CPS1: variants seen among roughly 807,000 people sequenced by gnomAD.
CPS1 encodes carbamoyl-phosphate synthase [ammonia], mitochondrial.
In CPS1, 109 loss-of-function variants were observed where a neutral mutation model predicts 174.6. The observed-to-expected ratio is 0.62, with a 90% CI of 0.53 to 0.73. The LOEUF (loss-of-function observed/expected upper bound fraction) is 0.73. CPS1 is among the 30% of genes least tolerant of loss of function. CPS1 has a pLI of 0.00. For missense variants in CPS1, 1,689 were observed against 1,821.9 expected, an observed-to-expected ratio of 0.93 and a Z score of 1.33; for synonymous variants, 637 against 632.0, an observed-to-expected ratio of 1.01 and a Z score of -0.12.
chr2:210,515,074 A>T (rs1286384123), intron 1 of CPS1, among the ~76,000 whole-genome samples: 2 of 151,720 alleles, frequency 1.3e-5, no homozygotes, highest in Admixed American at 1.3e-4. Flanking sequence ...TTAACTTTTC[A>T]ATATGCTGTT....
chr2:210,616,502 A>G lies in CPS1; in HGVS notation c.2648A>G (p.Asp883Gly). The G allele has an allele frequency of 6.2e-7, 1 of 1,611,766 alleles. No homozygotes were observed. The highest frequency in any genetic ancestry group is 1.3e-5 in the African/African-American group (1 of 74,924). Residue 883 changes from aspartate to glycine, a missense_variant, in exon 21 of 38, where the codon GAT (aspartate) becomes GGT (glycine). Transcript: ENST00000233072. ...AAGTGGTTTTTGTATAAGATGCGTG[A>G]TATTTTAAACATGGAAAAGACACTG... ...IDKWFLYKMRDILNMEKTLKG... is the reference protein window; with the variant it reads ...IDKWFLYKMRGILNMEKTLKG...
intron 10 of CPS1, 65 bp downstream of exon 10, chr2:210,592,034 A>C: frequency 6.0e-6 from 9 of 1,509,124 alleles, no homozygotes; most frequent in Non-Finnish European, 8.1e-6. Context: ...AAAATAATTG[A>C]TACATAAGCA....
At chr2:210,566,425 T>C (rs1419472764) in intron 1 of CPS1, among the ~76,000 whole-genome samples, 1 of 152,112 alleles carries the variant, frequency 6.6e-6, no homozygotes, top group Non-Finnish European at 1.5e-5. Flanking sequence ...CTCAGGTAAT[T>C]CATGACTTGA....
chr2:210,674,484 C>CAAAAAAAAAAAAAA (rs771522432), intron 34 of CPS1: 1 of 74,806 alleles, frequency 1.3e-5, no homozygotes, highest in Admixed American at 1.2e-4. Flanking sequence ...AAAAAAAAAC[C>CAAAAAAAAAAAAAA]AAAAAAAAAA....
chr2:210,647,925 A>G lies in CPS1; in HGVS notation c.3204A>G (p.Leu1068=), dbSNP rs766909251. ...GQIPNNLAVP[L]YKNGVKIMGT... ...TTCCAAACAACCTGGCAGTTCCTCT[A>G]TACAAGAATGGTGTCAAGATCATGG... The change falls in exon 26 of 38, where the codon CTA becomes CTG. Residue 1068 remains leucine (L), a synonymous_variant. Coordinates refer to ENST00000233072, the MANE Select transcript of CPS1 (RefSeq NM_001875.5). 18 of 1,613,948 alleles carry G rather than the reference A, an allele frequency of 1.1e-5. No individual in the cohort carries two copies. Among genetic ancestry groups the G allele is most frequent in the Non-Finnish European group, 1.5e-5 (18 of 1,179,960 alleles).
At chr2:210,501,515 T>A (rs945909119) in intron 1 of CPS1, among the ~76,000 whole-genome samples, 1 of 152,150 alleles carries the variant, frequency 6.6e-6, no homozygotes, top group Non-Finnish European at 1.5e-5. Flanking sequence ...GCTTAGAAAT[T>A]TCTTCCACCA....
intron 1 of CPS1, among the ~76,000 whole-genome samples, chr2:210,504,084 G>T (rs968629182): frequency 2.6e-5 from 4 of 151,990 alleles, no homozygotes; most frequent in African/African-American, 9.7e-5. Context: ...GCTGCTTGTT[G>T]TTCAGGGAGA....
chr2:210,560,529 G>A (rs1697064815), intron 1 of CPS1, among the ~76,000 whole-genome samples: 1 of 152,120 alleles, frequency 6.6e-6, no homozygotes, highest in African/African-American at 2.4e-5. Flanking sequence ...ATGGTGACCT[G>A]TGTTATAATT....
intron 1 of CPS1, among the ~76,000 whole-genome samples, chr2:210,497,543 C>A (rs1320451517): frequency 2.0e-5 from 3 of 151,962 alleles, no homozygotes; most frequent in African/African-American, 7.3e-5. Context: ...TGTCCCCATA[C>A]CTCTCTCCCC....
At chr2:210,673,320 T>A (rs973439500) in intron 34 of CPS1, 1 of 152,238 alleles carries the variant, frequency 6.6e-6, no homozygotes, top group Non-Finnish European at 1.5e-5. Flanking sequence ...TCACCTAGTG[T>A]TGTTTTCTTT....
In CPS1 at chr2:210,648,063, GA is replaced by G; in HGVS notation, c.3336+7del. On this transcript the variant is annotated splice_region_variant and intron_variant, in intron 26 of 37. Transcript: ENST00000233072. ...GGAAAGCTGTTAATACTTTGGTAAG[GA>G]GAGAAACAAGTATCTGTTTCTAATG... The G allele has an allele frequency of 6.2e-7, 1 of 1,613,466 alleles. No individual in the cohort carries two copies. The highest frequency in any genetic ancestry group is 8.5e-7 in the Non-Finnish European group (1 of 1,179,488).
chr2:210,648,321 G>C, intron 26 of CPS1, 152 bp from the exon 27 acceptor site: 1 of 713,780 alleles, frequency 1.4e-6, no homozygotes, highest in Admixed American at 2.9e-5. Context: ...CAGAAGCTAG[G>C]AATTTTATGT....
intron 2 of CPS1, 59 bp downstream of exon 2, chr2:210,573,466 C>G: frequency 2.4e-6 from 3 of 1,261,644 alleles, no homozygotes; most frequent in Non-Finnish European, 3.5e-6. Context: ...ACTGGAAGAT[C>G]TCACTCATGG....
intron 13 of CPS1, 123 bp downstream of exon 13, chr2:210,595,705 G>C (rs184647964): frequency 5.3e-4 from 385 of 732,610 alleles, no homozygotes; most frequent in Admixed American, 2.1e-3. Context: ...TTCCTTAACT[G>C]TGCCTTTATA....
intron 33 of CPS1, among the ~76,000 whole-genome samples, chr2:210,665,127 A>G (rs1051582661): frequency 6.6e-6 from 1 of 152,196 alleles, no homozygotes; most frequent in Non-Finnish European, 1.5e-5. Flanking sequence ...TTTGAGACTC[A>G]TTAACTTAGG....
At chr2:210,480,363 G>C (rs1318175289) in intron 1 of CPS1, among the ~76,000 whole-genome samples, 1 of 152,194 alleles carries the variant, frequency 6.6e-6, no homozygotes, top group Non-Finnish European at 1.5e-5. Flanking sequence ...ACAGCTATGT[G>C]TTCAGCTACA....
intron 6 of CPS1, among the ~76,000 whole-genome samples, 167 bp from the exon 7 acceptor site, chr2:210,587,888 CTTG>C (rs1244821815): frequency 5.3e-5 from 8 of 152,042 alleles, no homozygotes; most frequent in South Asian, 2.1e-4. Context: ...GTCTGTGGCA[CTTG>C]TTGTGCCTTT....
Position 210,599,577 on chromosome 2 carries a change from C to T in CPS1, c.1549+16C>T. The T allele has an allele frequency of 1.2e-6, 2 of 1,611,094 alleles. No homozygotes were observed. The highest frequency in any genetic ancestry group is 1.7e-6 in the Non-Finnish European group (2 of 1,177,890). ...CTGAACTGTGGTGAGTTCTTATAAG[C>T]TTAATTGCAGAGTTTTGACATATGC... is the stretch of plus-strand genomic sequence containing the variant. On this transcript the variant is annotated intron_variant, in intron 14 of 37. Transcript: ENST00000233072.
intron 1 of CPS1, among the ~76,000 whole-genome samples, chr2:210,492,569 T>G (rs1367706131): frequency 6.6e-6 from 1 of 152,184 alleles, no homozygotes; most frequent in Non-Finnish European, 1.5e-5. Flanking sequence ...GATACTTTTT[T>G]TTTTTTGCCT....
Sources: gnomAD v4.1 joint callset for allele counts (sites outside exome capture counted in the v4.1 genomes callset) on GRCh38, gnomAD v4.1.1 for gene constraint, MANE v1.5 for transcripts, NCBI Gene and HGNC (gene_info 2026-07-23, HGNC 2026-07-21) for gene names.